Variants in BBOF1 observed in about 807,000 individuals in gnomAD.
BBOF1 encodes the protein basal body orientation factor 1, also known as basal body-orientation factor 1.
BBOF1 carries 62 observed loss-of-function variants against 68.0 expected under a neutral mutation model. The ratio of observed to expected loss-of-function variants is 0.91; its 90% CI spans 0.74 to 1.13. The LOEUF is 1.13. Ranked by LOEUF, BBOF1 falls within the 50% of genes most tolerant of loss-of-function variation. The pLI is 0.00. For missense variants in BBOF1, 534 were observed against 600.1 expected (o/e 0.89, Z 1.15); for synonymous variants, 208 against 198.8 (o/e 1.05, Z -0.39).
chr14:74,032,889 A>G (rs1293285851), intron 3 of BBOF1, among the ~76,000 whole-genome samples: 2 of 151,480 alleles, frequency 1.3e-5, no homozygotes, highest in African/African-American at 2.4e-5. Flanking sequence ...ATTTGTTGTT[A>G]TTGGCCTTTC....
intron 9 of BBOF1, among the ~76,000 whole-genome samples, chr14:74,073,506 C>T (rs1371038208): frequency 2.0e-5 from 3 of 152,150 alleles, no homozygotes; most frequent in Non-Finnish European, 4.4e-5. Flanking sequence ...TGAGTAGAAA[C>T]ACGATATTAT....
intron 9 of BBOF1, among the ~76,000 whole-genome samples, chr14:74,073,241 C>T (rs2060574165): frequency 6.6e-6 from 1 of 152,050 alleles, no homozygotes. Context: ...GCAGCTGGGA[C>T]TACAGGCACA....
intron 8 of BBOF1, among the ~76,000 whole-genome samples, chr14:74,052,603 C>T (rs1019528602): frequency 1.3e-5 from 2 of 151,946 alleles, no homozygotes; most frequent in Non-Finnish European, 2.9e-5. Flanking sequence ...CAAGATTGTG[C>T]CACTGCACTC....
intron 5 of BBOF1, among the ~76,000 whole-genome samples, chr14:74,042,906 AC>A (rs1170480127): frequency 6.7e-6 from 1 of 149,692 alleles, no homozygotes; most frequent in African/African-American, 2.5e-5. Flanking sequence ...ACACACACAC[AC>A]ACACTACTGG....
intron 4 of BBOF1, among the ~76,000 whole-genome samples, chr14:74,037,119 C>T (rs146483913): frequency 0.014 from 2,036 of 149,706 alleles, 41 homozygotes; most frequent in African/African-American, 0.047. Context: ...ACTATAGGCA[C>T]GTGCCACCAT....
intron 3 of BBOF1, among the ~76,000 whole-genome samples, chr14:74,033,462 G>A (rs972074419): frequency 2.6e-5 from 4 of 152,040 alleles, no homozygotes; most frequent in South Asian, 2.1e-4. Flanking sequence ...CCAGCTACGC[G>A]GGAGGCTGAG....
intron 11 of BBOF1, chr14:74,059,084 CAAAAAA>C (rs35760969): frequency 3.8e-4 from 19 of 49,738 alleles, no homozygotes; most frequent in South Asian, 1.2e-3. Context: ...AACTCCATCT[CAAAAAA>C]AAAAAAAAAA....
chr14:74,081,501 T>G (rs928192512), intron 12 of BBOF1, among the ~76,000 whole-genome samples: 3 of 152,190 alleles, frequency 2.0e-5, no homozygotes, highest in Non-Finnish European at 4.4e-5. Flanking sequence ...TTCATATAGT[T>G]TTTTGACAGG....
chr14:74,064,816 A>C lies in BBOF1; in HGVS notation c.*117A>C, dbSNP rs567356756. On this transcript the variant is annotated 3_prime_UTR_variant, in exon 12 of 12. Transcript: ENST00000394009. ...GAAAAGACAAAAAATTTAACTCAAA[A>C]GTTACCTGTTTGCCATAGAAATTGG... 5 of 1,613,918 alleles carry C rather than the reference A, an allele frequency of 3.1e-6. No individual in the cohort carries two copies. The African/African-American group carries it at 5.3e-5, about 17-fold the overall frequency.
chr14:74,029,436 A>G (rs1310759865), intron 3 of BBOF1, among the ~76,000 whole-genome samples, 187 bp downstream of exon 3: 3 of 152,098 alleles, frequency 2.0e-5, no homozygotes, highest in African/African-American at 7.2e-5. Context: ...TAATCCCAAC[A>G]CTTTGGGATG....
chr14:74,060,323 G>T (rs920937074), intron 11 of BBOF1: 4 of 327,296 alleles, frequency 1.2e-5, no homozygotes, highest in Non-Finnish European at 2.4e-5. Flanking sequence ...TACATACACT[G>T]GCTTTTCTCC....
At position 74,023,082 on chromosome 14, in the gene BBOF1, G is replaced by C. The variant is rs768844123; in HGVS notation, c.223G>C (p.Glu75Gln). ...EDLKKKQCKM[E>Q]KDIMSVLSYL... Reference sequence around the variant, plus strand: ...CTTAAAGAAAAAGCAATGTAAAATGGAGAAAGACATAATGTCAGTATTAAG... The same window carrying C: ...CTTAAAGAAAAAGCAATGTAAAATGCAGAAAGACATAATGTCAGTATTAAG... Residue 75 changes from glutamate (E) to glutamine (Q), a missense_variant, in exon 2 of 12, where the codon GAG (glutamate) becomes CAG (glutamine). Glu to Gln is a conservative substitution (Grantham distance 29). Transcript: ENST00000394009. The C allele has an allele frequency of 2.7e-5, 43 of 1,603,716 alleles. No homozygotes were observed. The highest frequency in any genetic ancestry group is 3.6e-5 in the Non-Finnish European group (42 of 1,174,994).
At chr14:74,063,192 T>TC (rs1418578605) in intron 11 of BBOF1, among the ~76,000 whole-genome samples, 1 of 116,118 alleles carries the variant, frequency 8.6e-6, no homozygotes, top group Non-Finnish European at 2.1e-5. Flanking sequence ...TAATTCTTCT[T>TC]TTTTTTTTTT....
chr14:74,019,444 G>A lies in BBOF1; in HGVS notation c.-35G>A, dbSNP rs759492373. 1.4e-5 allele frequency: 23 copies of A among 1,589,524 alleles called. No homozygotes were observed. Among genetic ancestry groups the A allele is most frequent in the Non-Finnish European group, 2.0e-5 (23 of 1,168,550 alleles). ...AGCTGGCCAGGGCGGCCGCGGCTGG[G>A]CAACTACGACAGCGGAGCCCCTGGG... On this transcript the variant is annotated 5_prime_UTR_variant, in exon 1 of 12. Transcript: ENST00000394009.
intron 2 of BBOF1, among the ~76,000 whole-genome samples, chr14:74,027,240 C>T (rs1289361035): frequency 6.6e-6 from 1 of 151,914 alleles, no homozygotes; most frequent in Non-Finnish European, 1.5e-5. Flanking sequence ...TGTGCCACCA[C>T]CCCGCCTGGC....
At chr14:74,025,882 C>T (rs1276461664) in intron 2 of BBOF1, among the ~76,000 whole-genome samples, 2 of 149,918 alleles carry the variant, frequency 1.3e-5, no homozygotes, top group Non-Finnish European at 1.5e-5. Flanking sequence ...AATCCCAGCA[C>T]TTTGGGAGGC....
At chr14:74,061,360 G>T (rs2060337388) in intron 11 of BBOF1, among the ~76,000 whole-genome samples, 1 of 151,826 alleles carries the variant, frequency 6.6e-6, no homozygotes, top group Non-Finnish European at 1.5e-5. Flanking sequence ...GGAGTGCAGT[G>T]GTGTGATCTT....
intron 9 of BBOF1, among the ~76,000 whole-genome samples, chr14:74,077,104 A>G (rs2060621119): frequency 6.6e-6 from 1 of 152,034 alleles, no homozygotes; most frequent in Admixed American, 6.6e-5. Flanking sequence ...TCTATTCCCT[A>G]CCAAAGCCAT....
chr14:74,028,704 C>T (rs972965019), intron 2 of BBOF1, among the ~76,000 whole-genome samples: 2 of 151,568 alleles, frequency 1.3e-5, no homozygotes, highest in South Asian at 4.2e-4. Flanking sequence ...GGCAAGACTC[C>T]ATCTCTATTT....
Sources: gnomAD v4.1 joint callset for allele counts (sites outside exome capture counted in the v4.1 genomes callset) on GRCh38, gnomAD v4.1.1 for gene constraint, MANE v1.5 for transcripts, NCBI Gene and HGNC (gene_info 2026-07-23, HGNC 2026-07-21) for gene names.